PTGR1: variants seen among roughly 807,000 people sequenced by gnomAD.
PTGR1 encodes the protein 15-oxoprostaglandin 13-reductase.
Under a neutral mutation model 37.7 loss-of-function variants are expected in PTGR1, and 23 were observed. The ratio of observed to expected loss-of-function variants is 0.61; its 90% CI spans 0.44 to 0.86. PTGR1 has a LOEUF of 0.86. Among genes scored for constraint, PTGR1 ranks in the 40% least tolerant of loss-of-function variants. PTGR1 has a pLI of 0.00. For missense variants in PTGR1, 351 were observed against 394.3 expected, an observed-to-expected ratio of 0.89 and a Z score of 0.93; for synonymous variants, 134 against 140.0, an observed-to-expected ratio of 0.96 and a Z score of 0.30.
At chr9:111,588,820 C>T (rs1829521182) in intron 4 of PTGR1, among the ~76,000 whole-genome samples, 1 of 152,124 alleles carries the variant, frequency 6.6e-6, no homozygotes, top group Non-Finnish European at 1.5e-5. Context: ...GCCACTGTGC[C>T]CAGACTTTTT....
At chr9:111,551,447 G>T (rs1463677818) in intron 9 of PTGR1, among the ~76,000 whole-genome samples, 1 of 107,274 alleles carries the variant, frequency 9.3e-6, no homozygotes, top group Non-Finnish European at 1.7e-5. Flanking sequence ...TCACTCTGTT[G>T]CCCAGGCTGG....
intron 2 of PTGR1, among the ~76,000 whole-genome samples, chr9:111,595,831 C>T (rs1829764421): frequency 6.6e-6 from 1 of 152,100 alleles, no homozygotes; most frequent in South Asian, 2.1e-4. Context: ...GATGGGGTTT[C>T]ACTGTGTTAG....
intron 9 of PTGR1, among the ~76,000 whole-genome samples, chr9:111,568,125 A>AT (rs1246690325): frequency 6.6e-6 from 1 of 152,206 alleles, no homozygotes; most frequent in African/African-American, 2.4e-5. Flanking sequence ...GAAGACAACC[A>AT]TAAGGTCTAA....
chr9:111,595,362 C>T (rs1352677362), intron 2 of PTGR1, among the ~76,000 whole-genome samples: 1 of 152,172 alleles, frequency 6.6e-6, no homozygotes, highest in Non-Finnish European at 1.5e-5. Context: ...AATATTGCTT[C>T]CATTTTAGGT....
intron 4 of PTGR1, among the ~76,000 whole-genome samples, chr9:111,590,532 T>C (rs1417091646): frequency 6.6e-6 from 1 of 152,176 alleles, no homozygotes; most frequent in African/African-American, 2.4e-5. Flanking sequence ...CTAATTTCTT[T>C]ATTTTTAGTA....
chr9:111,581,081 C>T (rs895217086), intron 6 of PTGR1, among the ~76,000 whole-genome samples: 2 of 152,148 alleles, frequency 1.3e-5, no homozygotes, highest in Non-Finnish European at 2.9e-5. Flanking sequence ...TCAACAAGTG[C>T]AGGTTATGGG....
intron 7 of PTGR1, chr9:111,576,803 A>G (rs1278301607): frequency 6.4e-6 from 1 of 156,920 alleles, no homozygotes; most frequent in Non-Finnish European, 1.4e-5. Flanking sequence ...GATGTAAAGA[A>G]CTCTTGGCCA....
rs147515252 is a variant in PTGR1, at chr9:111,565,800, T to C, written c.880-2569A>G. On this transcript the variant is annotated intron_variant, in intron 9 of 9. Coordinates refer to ENST00000407693, the MANE Select transcript of PTGR1 (RefSeq NM_001146108.2). ...TCACCCTCCTAAAGTGCTGGGATTA[T>C]AGCTATGAGCCACCGCACCCAGCCT... Among the ~76,000 whole-genome samples the C allele has an allele frequency of 2.3e-3, 355 of 152,178 alleles. 2 individuals carry two copies. The highest frequency in any genetic ancestry group is 8.4e-3 in the African/African-American group (349 of 41,548).
At chr9:111,561,110 T>TATATAGAGAGAGAGAG (rs1457364862), downstream of PTGR1, among the ~76,000 whole-genome samples, 3 of 19,188 alleles carry the variant, frequency 1.6e-4, no homozygotes, top group African/African-American at 3.9e-4. Flanking sequence ...TATATATATA[T>TATATAGAGAGAGAGAG]AGAGAGAGAG....
intron 9 of PTGR1, among the ~76,000 whole-genome samples, chr9:111,567,376 C>T (rs527589868): frequency 1.3e-5 from 2 of 152,230 alleles, no homozygotes; most frequent in Admixed American, 1.3e-4. Flanking sequence ...TTAGTAGAGA[C>T]AGGGTTTCAC....
intron 9 of PTGR1, among the ~76,000 whole-genome samples, chr9:111,565,803 C>A (rs1828536938): frequency 6.6e-6 from 1 of 152,002 alleles, no homozygotes; most frequent in African/African-American, 2.4e-5. Context: ...GGGATTATAG[C>A]TATGAGCCAC....
chr9:111,592,777 A>T, intron 4 of PTGR1, 149 bp downstream of exon 4: 1 of 1,096,204 alleles, frequency 9.1e-7, no homozygotes, highest in Non-Finnish European at 1.3e-6. Flanking sequence ...TAGGAAGGAG[A>T]CAGAATTTCC....
intron 9 of PTGR1, among the ~76,000 whole-genome samples, chr9:111,567,673 G>A (rs1213290127): frequency 6.6e-6 from 1 of 152,210 alleles, no homozygotes; most frequent in Non-Finnish European, 1.5e-5. Context: ...TAAGTGAAAT[G>A]CAGAGCTTTG....
At chr9:111,583,231 G>A (rs1829332287) in intron 6 of PTGR1, among the ~76,000 whole-genome samples, 4 of 152,218 alleles carry the variant, frequency 2.6e-5, no homozygotes. Flanking sequence ...GATAAATGCC[G>A]ATAAACTCAC....
chr9:111,595,617 C>T (rs1027908588), intron 2 of PTGR1, among the ~76,000 whole-genome samples: 2 of 152,134 alleles, frequency 1.3e-5, no homozygotes, highest in Non-Finnish European at 2.9e-5. Context: ...TGTAAACACT[C>T]CTTAGAGACT....
chr9:111,593,083 G>A (rs1336852486), intron 3 of PTGR1, 101 bp from the exon 4 acceptor site: 7 of 1,458,800 alleles, frequency 4.8e-6, no homozygotes, highest in Non-Finnish European at 6.3e-6. Context: ...TGAGTTTCAA[G>A]CCAAATGAAA....
chr9:111,594,089 T>C (rs925122831), intron 3 of PTGR1, 133 bp downstream of exon 3: 11 of 954,308 alleles, frequency 1.2e-5, no homozygotes, highest in African/African-American at 1.6e-5. Context: ...ATGAATCTTA[T>C]CACTGATACT....
At chr9:111,591,262 A>C (rs1829607818) in intron 4 of PTGR1, among the ~76,000 whole-genome samples, 2 of 151,662 alleles carry the variant, frequency 1.3e-5, no homozygotes, top group Middle Eastern at 3.4e-3. Context: ...ACGCCATTGC[A>C]CTCCAGCATG....
intron 4 of PTGR1, 87 bp from the exon 5 acceptor site, chr9:111,586,252 C>T: frequency 7.7e-7 from 1 of 1,292,876 alleles, no homozygotes; most frequent in Non-Finnish European, 1.1e-6. Flanking sequence ...TTAGTGTTGA[C>T]AAAAGTGCAC....
Sources: allele counts gnomAD v4.1 joint callset (sites outside exome capture counted in the v4.1 genomes callset), GRCh38; gene constraint gnomAD v4.1.1; transcripts MANE v1.5; gene names NCBI Gene and HGNC (gene_info 2026-07-23, HGNC 2026-07-21).